The following CEP350 variants were observed in gnomAD, a reference collection of about 807,000 sequenced individuals.
The protein encoded by CEP350 is centrosomal protein 350, also known as centrosome-associated protein 350.
A neutral mutation model predicts 331.8 loss-of-function variants in CEP350; 126 were observed. That is an observed-to-expected ratio of 0.38 (90% CI 0.33 to 0.44). The LOEUF (loss-of-function observed/expected upper bound fraction) is 0.44, where lower values mean the gene tolerates loss of function less well. CEP350 is among the 20% of genes least tolerant of loss of function. CEP350 has a pLI of 1.00. For synonymous variants in CEP350, 1,200 were observed against 1,259.5 expected, an observed-to-expected ratio of 0.95 and a Z score of 1.00; for missense variants, 3,406 against 3,634.6, an observed-to-expected ratio of 0.94 and a Z score of 1.62.
At chr1:179,960,407 A>C (rs986791459) in intron 1 of CEP350, among the ~76,000 whole-genome samples, 1 of 152,158 alleles carries the variant, frequency 6.6e-6, no homozygotes, top group Non-Finnish European at 1.5e-5. Context: ...ATTGAATGAA[A>C]CTATGTTATG....
intron 19 of CEP350, 67 bp from the exon 20 acceptor site, chr1:180,042,989 G>A (rs1466102086): frequency 1.3e-6 from 2 of 1,517,448 alleles, no homozygotes; most frequent in African/African-American, 2.8e-5. Flanking sequence ...AAGACACTAT[G>A]CTCCTTCTCA....
intron 7 of CEP350, among the ~76,000 whole-genome samples, chr1:180,004,958 CT>C (rs66712981): frequency 0.64 from 78,697 of 123,616 alleles, 25,030 homozygotes; most frequent in Admixed American, 0.75. Context: ...TTTCTTTCCC[CT>C]CTCTCTCTTT....
intron 1 of CEP350, 148 bp downstream of exon 1, chr1:179,955,290 C>T: frequency 3.5e-6 from 3 of 861,968 alleles, no homozygotes; most frequent in Non-Finnish European, 4.4e-6. Flanking sequence ...CCTCGGGGAA[C>T]CTCCCTGGGT....
At chr1:180,003,416 TGTG>T in intron 7 of CEP350, 129 bp downstream of exon 7, 2 of 659,602 alleles carry the variant, frequency 3.0e-6, no homozygotes, top group South Asian at 4.1e-5. Context: ...ATGCTGAAGT[TGTG>T]GTGGTTTGAG....
rs528910780 is a variant in CEP350, at chr1:180,009,769, T to G, written c.1247-2160T>G. 8.5e-5 allele frequency among the ~76,000 whole-genome samples: 13 copies of G among 152,288 alleles called. No individual in the cohort carries two copies. The South Asian group carries it at 2.7e-3, about 32-fold the overall frequency. ...GATTGAGCAGTATACGTAAAACCCT[T>G]TAAATATTTTAGGTCAACTGTATAA... is the stretch of plus-strand genomic sequence containing the variant. On this transcript the variant is annotated intron_variant, in intron 8 of 37. Coordinates refer to ENST00000367607, the MANE Select transcript of CEP350 (RefSeq NM_014810.5).
chr1:180,009,415 A>C (rs939400395), intron 8 of CEP350, among the ~76,000 whole-genome samples: 1 of 152,200 alleles, frequency 6.6e-6, no homozygotes, highest in Non-Finnish European at 1.5e-5. Context: ...ACTTATGAAC[A>C]CTGATCTTGG....
chr1:180,077,307 C>T (rs1659282811), intron 28 of CEP350, among the ~76,000 whole-genome samples: 1 of 151,666 alleles, frequency 6.6e-6, no homozygotes, highest in Non-Finnish European at 1.5e-5. Flanking sequence ...ATATGAAGTA[C>T]TTAGGAATAA....
intron 4 of CEP350, among the ~76,000 whole-genome samples, chr1:179,991,667 ATGTGTGTG>A (rs751570955): frequency 1.5e-3 from 137 of 90,206 alleles, no homozygotes; most frequent in African/African-American, 2.2e-3. Context: ...ATATATATAT[ATGTGTGTG>A]TGTGTGTGTG....
Position 180,093,279 on chromosome 1 carries a change from T to C in CEP350, c.7174T>C (p.Leu2392=), listed in dbSNP as rs1251640577. Residue 2392 remains leucine, a synonymous_variant, in exon 34 of 38, where the codon TTG becomes CTG. Coordinates refer to ENST00000367607, the MANE Select transcript of CEP350 (RefSeq NM_014810.5). ...TTTCAAGAAAGAAATTTCAGCTGAA[T>C]TGTACAAAGATGATTTTGAGGTGTC... ...SSFKKEISAE[L]YKDDFEVSSL... 6.3e-7 allele frequency: 1 copy of C among 1,599,006 alleles called. No homozygotes were observed. Among genetic ancestry groups the C allele is most frequent in the East Asian group, 2.2e-5 (1 of 44,664 alleles).
chr1:179,960,829 A>T (rs545027128), intron 1 of CEP350, among the ~76,000 whole-genome samples: 1 of 152,120 alleles, frequency 6.6e-6, no homozygotes, highest in Non-Finnish European at 1.5e-5. Flanking sequence ...ATCTGCTACT[A>T]AGTTGGTAGG....
chr1:180,087,214 C>T (rs1047724795), intron 31 of CEP350: 2 of 156,432 alleles, frequency 1.3e-5, no homozygotes, highest in African/African-American at 4.8e-5. Flanking sequence ...AACAGAATGA[C>T]TAACTTCTTA....
At chr1:179,986,881 A>G (rs75296596) in intron 2 of CEP350, among the ~76,000 whole-genome samples, 2,554 of 152,246 alleles carry the variant, frequency 0.017, 73 homozygotes, top group African/African-American at 0.058. Context: ...TCTTTTTCAC[A>G]TTGTATTATA....
chr1:179,983,743 T>C (rs1652452942), intron 1 of CEP350, among the ~76,000 whole-genome samples: 1 of 152,208 alleles, frequency 6.6e-6, no homozygotes, highest in African/African-American at 2.4e-5. Context: ...TGCATACAAC[T>C]AAGTGGAGAA....
intron 16 of CEP350, among the ~76,000 whole-genome samples, chr1:180,035,943 A>G (rs1176576430): frequency 6.6e-6 from 1 of 152,198 alleles, no homozygotes; most frequent in East Asian, 1.9e-4. Flanking sequence ...AAGTAAATTG[A>G]TCACCTTCTG....
At chr1:179,986,100 A>T in intron 1 of CEP350, 69 bp from the exon 2 acceptor site, 4 of 1,249,832 alleles carry the variant, frequency 3.2e-6, no homozygotes, top group Non-Finnish European at 4.5e-6. Flanking sequence ...ATAATTTTTA[A>T]TGATTTATTT....
intron 21 of CEP350, among the ~76,000 whole-genome samples, chr1:180,045,830 T>C (rs1416748734): frequency 1.3e-5 from 2 of 152,198 alleles, no homozygotes; most frequent in East Asian, 3.8e-4. Context: ...TTATTTAGCC[T>C]GGCATGAAAA....
rs1377684090 is a variant in CEP350, at chr1:180,094,377, T to C, written c.8272T>C (p.Leu2758=). The change falls in exon 34 of 38, where the codon TTA becomes CTA. Residue 2758 remains leucine (L), a synonymous_variant. Transcript: ENST00000367607. ...LEKISLLTDS[L]LKVFVKDTVN... is the part of the protein sequence containing the mutation. ...AAAAATCAGCTTACTGACAGACAGT[T>C]TACTAAAAGTCTTTGTAAAGGACAC... 6 of 1,613,770 alleles carry C rather than the reference T, an allele frequency of 3.7e-6. No homozygotes were observed. The highest frequency in any genetic ancestry group is 5.1e-6 in the Non-Finnish European group (6 of 1,179,822).
Position 180,053,170 on chromosome 1 carries a change from T to A in CEP350, c.4989+4T>A. 1 of 1,529,364 alleles carries A rather than the reference T, an allele frequency of 6.5e-7. No individual in the cohort carries two copies. The highest frequency in any genetic ancestry group is 1.3e-5 in the South Asian group (1 of 78,176). 94.7% of individuals were successfully genotyped at this position (1,529,364 alleles called of 1,614,324 possible). The stretch of plus-strand genomic sequence containing the variant: ...AACTACACTGTCTACTGCCAAGGTG[T>A]GTTTCACTTTATCTGTGGAGGTAAA... On this transcript the variant is annotated splice_donor_region_variant and intron_variant, in intron 23 of 37. Transcript: ENST00000367607.
chr1:180,003,332 GCTAT>G, intron 7 of CEP350, 45 bp downstream of exon 7: 1 of 1,195,522 alleles, frequency 8.4e-7, no homozygotes, highest in Non-Finnish European at 1.2e-6. Flanking sequence ...TGTCATACAT[GCTAT>G]CTAATTTATA....
Sources: allele counts gnomAD v4.1 joint callset (sites outside exome capture counted in the v4.1 genomes callset), GRCh38; gene constraint gnomAD v4.1.1; transcripts MANE v1.5; gene names NCBI Gene and HGNC (gene_info 2026-07-23, HGNC 2026-07-21).